The following SRP14 variants were observed in gnomAD, a reference collection of about 807,000 sequenced individuals.
SRP14 encodes the protein signal recognition particle 14.
SRP14 carries 1 observed loss-of-function variant against 16.0 expected under a neutral mutation model. The observed-to-expected ratio is 0.06, with a 90% CI of 0.02 to 0.30. The LOEUF (loss-of-function observed/expected upper bound fraction) is 0.30, where lower values mean the gene tolerates loss of function less well. SRP14 is among the 10% of genes least tolerant of loss of function. The pLI is 1.00. For missense variants in SRP14, 120 were observed against 163.1 expected, an observed-to-expected ratio of 0.74 and a Z score of 1.44; for synonymous variants, 67 against 60.1, an observed-to-expected ratio of 1.12 and a Z score of -0.53.
intron 3 of SRP14, 148 bp from the exon 4 acceptor site, chr15:40,037,166 T>C: frequency 8.1e-7 from 1 of 1,241,056 alleles, no homozygotes; most frequent in Non-Finnish European, 1.1e-6. Flanking sequence ...AATACACGAA[T>C]GGTTATTTTT....
At chr15:40,038,976 A>G (rs377339544) in intron 1 of SRP14, 28 bp from the exon 2 acceptor site, 1 of 1,607,678 alleles carries the variant, frequency 6.2e-7, no homozygotes, top group Non-Finnish European at 8.5e-7. Flanking sequence ...CAGCCCCGTT[A>G]GCCAGCCCCA....
chr15:40,038,775 G>A (rs1023592047), intron 2 of SRP14, 101 bp downstream of exon 2: 3 of 1,283,826 alleles, frequency 2.3e-6, no homozygotes, highest in African/African-American at 2.9e-5. Flanking sequence ...ACAGGGTGGG[G>A]AAAGGTAGAG....
rs2035624836 is a variant in SRP14, at chr15:40,036,426, G to T, written c.318C>A (p.Thr106=). 6.2e-7 allele frequency: 1 copy of T among 1,613,650 alleles called. No individual in the cohort carries two copies. Among genetic ancestry groups the T allele is most frequent in the Non-Finnish European group, 8.5e-7 (1 of 1,179,862 alleles). The change falls in exon 5 of 5, where the codon ACC becomes ACA. Residue 106 remains threonine (T), a synonymous_variant. Coordinates refer to ENST00000267884, the MANE Select transcript of SRP14 (RefSeq NM_003134.6). ...CTGCTGCTGCTGCTGCTGCTGCTTT[G>T]GTCTTCTTAGTTTTGTTCTTTTTGT... ...KRDKKNKTKK[T]KAAAAAAAAA...
At position 40,039,063 on chromosome 15, in the gene SRP14, C is replaced by G. The variant is rs748214641; in HGVS notation, c.24+30G>C. 11 of 1,608,732 alleles carry G rather than the reference C, an allele frequency of 6.8e-6. No individual in the cohort carries two copies. The African/African-American group carries it at 8.0e-5, about 12-fold the overall frequency. On this transcript the variant is annotated intron_variant, in intron 1 of 4. Coordinates refer to ENST00000267884, the MANE Select transcript of SRP14 (RefSeq NM_003134.6). Reference sequence around the variant, plus strand: ...TCTCGAGTAACGCCTGAGCCGCCCCCTTCCCTCGGCCGGCCAGGCCTAGCC... The same window carrying G: ...TCTCGAGTAACGCCTGAGCCGCCCCGTTCCCTCGGCCGGCCAGGCCTAGCC...
At chr15:40,038,738 G>A (rs2035671126) in intron 2 of SRP14, 138 bp downstream of exon 2, 8 of 905,492 alleles carry the variant, frequency 8.8e-6, no homozygotes, top group South Asian at 6.1e-5. Flanking sequence ...ACTATTTTCC[G>A]GGCCCGAAGC....
At position 40,038,351 on chromosome 15, in the gene SRP14, C is replaced by T. The variant is rs759697096; in HGVS notation, c.141G>A (p.Glu47=). The T allele has an allele frequency of 6.2e-7, 1 of 1,614,156 alleles. No individual in the cohort carries two copies. ...ACTTGTTGTCTGCGGGCTCAAAGCC[C>T]TCCACAGTACCCTTCTTTGGAATGG... ...TKPIPKKGTV[E]GFEPADNKCL... Residue 47 remains glutamate, a synonymous_variant, in exon 3 of 5, where the codon GAG becomes GAA. Transcript: ENST00000267884.
At chr15:40,038,012 G>A (rs1412083361) in intron 3 of SRP14, among the ~76,000 whole-genome samples, 1 of 152,198 alleles carries the variant, frequency 6.6e-6, no homozygotes, top group African/African-American at 2.4e-5. Context: ...AAATATTTAT[G>A]CCAGCTGCTC....
Position 40,038,866 on chromosome 15 carries a change from C to A in SRP14, c.97+10G>T. The A allele has an allele frequency of 3.1e-6, 5 of 1,613,518 alleles. No homozygotes were observed. Among genetic ancestry groups the A allele is most frequent in the Middle Eastern group, 1.6e-4 (1 of 6,062 alleles). On this transcript the variant is annotated intron_variant, in intron 2 of 4. Transcript: ENST00000267884. ...AGGGAGCATCGCCCGGCTCCCCTCC[C>A]GCTGCTTACACTTCTTCAAGGTGAT...
rs1043405546 is a variant in SRP14, at chr15:40,038,001, C to A, written c.210+281G>T. ...CCAGCACAGTAAGGGGCTAAGGAAT[C>A]AAATATTTATGCCAGCTGCTCCTTA... is the stretch of plus-strand genomic sequence containing the variant. On this transcript the variant is annotated intron_variant, in intron 3 of 4. Coordinates refer to ENST00000267884, the MANE Select transcript of SRP14 (RefSeq NM_003134.6). Among the ~76,000 whole-genome samples, 114 of 152,302 alleles carry A rather than the reference C, an allele frequency of 7.5e-4. No homozygotes were observed. The Middle Eastern group carries it at 0.01, about 14-fold the overall frequency.
intron 2 of SRP14, 109 bp from the exon 3 acceptor site, chr15:40,038,503 T>C (rs1336071906): frequency 4.1e-6 from 3 of 737,770 alleles, no homozygotes; most frequent in Non-Finnish European, 7.1e-6. Flanking sequence ...CCAGCCCCGC[T>C]GCTCTAGTTT....
rs759546985 is a variant in SRP14 at position 40,039,149 on chromosome 15, A to C, written c.-33T>G. 6.2e-7 allele frequency: 1 copy of C among 1,602,530 alleles called. No individual in the cohort carries two copies. The highest frequency in any genetic ancestry group is 8.5e-7 in the Non-Finnish European group (1 of 1,176,402). On this transcript the variant is annotated 5_prime_UTR_variant, in exon 1 of 5. Coordinates refer to ENST00000267884, the MANE Select transcript of SRP14 (RefSeq NM_003134.6). ...ACGCTGGCTCGACTCCCTCCGCTTA[A>C]GCCCCTAGCAGTGAGAGCCGGAAGT...
In SRP14 at chr15:40,036,187, A is replaced by G. The variant is rs2035616709; in HGVS notation, c.*146T>C. On this transcript the variant is annotated 3_prime_UTR_variant, in exon 5 of 5. Transcript: ENST00000267884. ...ACTAGATTCTTACCACAACTATCCT[A>G]TAAACACTGCAACTATTCTTTCCAA... 7.1e-7 allele frequency: 1 copy of G among 1,398,656 alleles called. No individual in the cohort carries two copies. Among genetic ancestry groups the G allele is most frequent in the Admixed American group, 2.1e-5 (1 of 46,868 alleles). 86.6% of individuals were successfully genotyped at this position (1,398,656 alleles called of 1,614,324 possible). A position where few individuals can be genotyped will look rare whatever the true frequency, so the allele number is the denominator to read the frequency against.
intron 3 of SRP14, chr15:40,037,279 G>GAAAAAAAATAAAAAAAAA: frequency 1.3e-6 from 1 of 740,792 alleles, no homozygotes; most frequent in Non-Finnish European, 1.7e-6. Context: ...TCCTTTTGGG[G>GAAAAAAAATAAAAAAAAA]AAAAAAAAAA....
chr15:40,036,884 T>C (rs572719809), intron 4 of SRP14, 102 bp downstream of exon 4: 15 of 1,325,636 alleles, frequency 1.1e-5, no homozygotes, highest in African/African-American at 8.7e-5. Context: ...GTAAAACTTA[T>C]CTCCGGAGAG....
intron 3 of SRP14, among the ~76,000 whole-genome samples, chr15:40,037,579 T>C (rs1249949743): frequency 6.8e-6 from 1 of 147,326 alleles, no homozygotes; most frequent in Non-Finnish European, 1.5e-5. Context: ...CCACATAAGC[T>C]TGTTTTACTG....
rs2035618936 is a variant in SRP14 at position 40,036,338 on chromosome 15, G to GTGCTGCTGTTGCTGCTGTTGT, written c.385_405dup (p.Thr129_Ala135dup). On this transcript the variant is annotated inframe_insertion, in exon 5 of 5. Coordinates refer to ENST00000267884, the MANE Select transcript of SRP14 (RefSeq NM_003134.6). The stretch of plus-strand genomic sequence containing the variant: ...AAGCAGGAAATGTATGCCCTTTACT[G>GTGCTGCTGTTGCTGCTGTTGT]TGCTGCTGTTGCTGCTGTTGTTGCT... 6 of 1,613,540 alleles carry GTGCTGCTGTTGCTGCTGTTGT rather than the reference G, an allele frequency of 3.7e-6. No homozygotes were observed. The highest frequency in any genetic ancestry group is 1.1e-5 in the South Asian group (1 of 91,024).
intron 2 of SRP14, 159 bp from the exon 3 acceptor site, chr15:40,038,553 C>T (rs909561757): frequency 3.2e-6 from 2 of 619,182 alleles, no homozygotes; most frequent in Admixed American, 2.9e-5. Context: ...TGGCGAAACC[C>T]TGGAGAAACT....
chr15:40,038,769 G>A lies in SRP14; in HGVS notation c.97+107C>T, dbSNP rs1227203251. ...GAAGCCCCGAATGTGCTCAGTACAG[G>A]GTGGGGAAAGGTAGAGGAAGGCGGC... On this transcript the variant is annotated intron_variant, in intron 2 of 4. Coordinates refer to ENST00000267884, the MANE Select transcript of SRP14 (RefSeq NM_003134.6). 21 of 1,208,686 alleles carry A rather than the reference G, an allele frequency of 1.7e-5. No homozygotes were observed. In the East Asian group the frequency reaches 5.2e-4, roughly 30 times the overall value. The allele number at this position is 1,208,686 out of a possible 1,614,324, so 74.9% of individuals were successfully genotyped here.
chr15:40,039,158 C>T lies in SRP14; in HGVS notation c.-42G>A, dbSNP rs753935966. The T allele has an allele frequency of 1.3e-6, 2 of 1,597,422 alleles. No individual in the cohort carries two copies. The highest frequency in any genetic ancestry group is 1.7e-6 in the Non-Finnish European group (2 of 1,174,264). On this transcript the variant is annotated 5_prime_UTR_variant, in exon 1 of 5. Transcript: ENST00000267884. ...CGACTCCCTCCGCTTAAGCCCCTAGCAGTGAGAGCCGGAAGTTCGGCCTAG... is the reference window on the plus strand; with the variant it reads ...CGACTCCCTCCGCTTAAGCCCCTAGTAGTGAGAGCCGGAAGTTCGGCCTAG...
Sources: allele counts gnomAD v4.1 joint callset (sites outside exome capture counted in the v4.1 genomes callset), GRCh38; gene constraint gnomAD v4.1.1; transcripts MANE v1.5; gene names NCBI Gene and HGNC (gene_info 2026-07-23, HGNC 2026-07-21).